UTRN: variants seen among roughly 807,000 people sequenced by gnomAD.
UTRN encodes utrophin, also known as dystrophin-related protein 1.
UTRN carries 283 observed loss-of-function variants against 463.9 expected under a neutral mutation model. The observed-to-expected ratio is 0.61, with a 90% confidence interval of 0.55 to 0.67. The LOEUF is 0.67. Ranked by LOEUF, UTRN falls within the 30% of genes least tolerant of loss-of-function variation. UTRN has a pLI of 0.00. For missense variants in UTRN, 3,922 were observed against 4,084.3 expected, an observed-to-expected ratio of 0.96 and a Z score of 1.08; for synonymous variants, 1,442 against 1,431.5, an observed-to-expected ratio of 1.01 and a Z score of -0.17.
intron 2 of UTRN, among the ~76,000 whole-genome samples, chr6:144,357,918 G>C (rs940778624): frequency 1.3e-5 from 2 of 152,238 alleles, no homozygotes; most frequent in African/African-American, 4.8e-5. Flanking sequence ...GGGAGAGGAA[G>C]GGTAGGAGCC....
At chr6:144,580,862 G>A (rs950453257) in intron 51 of UTRN, among the ~76,000 whole-genome samples, 4 of 152,172 alleles carry the variant, frequency 2.6e-5, no homozygotes, top group Non-Finnish European at 5.9e-5. Flanking sequence ...ACAGAAGAGA[G>A]GCCTGTTAGG....
intron 51 of UTRN, among the ~76,000 whole-genome samples, chr6:144,664,524 GA>G (rs35385321): frequency 7.1e-6 from 1 of 140,930 alleles, no homozygotes. Flanking sequence ...GGCTGACCTT[GA>G]ACTCCTGGGC....
Position 144,678,459 on chromosome 6 carries a change from A to C in UTRN, c.7533A>C (p.Gly2511=), listed in dbSNP as rs1562752820. 6.2e-7 allele frequency: 1 copy of C among 1,613,462 alleles called. No individual in the cohort carries two copies. The highest frequency in any genetic ancestry group is 1.3e-5 in the African/African-American group (1 of 75,012). ...AHNDIFKSID[G]NRQKMVKALG... ...ATGACATATTTAAAAGCATTGACGG[A>C]AACAGGCAGAAGATGGTAAAAGCTT... The change falls in exon 52 of 75, where the codon GGA becomes GGC. Residue 2511 remains glycine (G), a synonymous_variant. Transcript: ENST00000367545.
chr6:144,456,645 C>T (rs1427339532), intron 19 of UTRN, among the ~76,000 whole-genome samples: 1 of 137,436 alleles, frequency 7.3e-6, no homozygotes, highest in Non-Finnish European at 1.5e-5. Context: ...GAGCAAGACT[C>T]TGTCTCAAAA....
At chr6:144,690,091 T>TG (rs1447726041) in intron 52 of UTRN, among the ~76,000 whole-genome samples, 6 of 34,414 alleles carry the variant, frequency 1.7e-4, no homozygotes, top group Admixed American at 1.2e-3. Flanking sequence ...TTTTTTTTTT[T>TG]TTTTTGTGTG....
intron 52 of UTRN, 130 bp downstream of exon 52, chr6:144,678,708 T>C (rs1405040135): frequency 1.0e-5 from 9 of 891,726 alleles, no homozygotes; most frequent in African/African-American, 1.7e-5. Flanking sequence ...TTTAAGATTT[T>C]AATGCAAAGC....
chr6:144,681,121 G>C (rs9497042), intron 52 of UTRN, among the ~76,000 whole-genome samples: 3,752 of 152,228 alleles, frequency 0.025, 138 homozygotes, highest in African/African-American at 0.076. Context: ...AGGGAAGAGA[G>C]ATTGAGCAGA....
At chr6:144,817,152 G>A (rs1288452538) in intron 65 of UTRN, among the ~76,000 whole-genome samples, 1 of 152,048 alleles carries the variant, frequency 6.6e-6, no homozygotes, top group Non-Finnish European at 1.5e-5. Context: ...AGTTTACTTA[G>A]GCTTCAAAAA....
intron 65 of UTRN, among the ~76,000 whole-genome samples, chr6:144,811,069 T>TA (rs1778562000): frequency 6.6e-6 from 1 of 152,162 alleles, no homozygotes; most frequent in South Asian, 2.1e-4. Flanking sequence ...AATTTTCTAG[T>TA]AAAAAATATC....
Position 144,447,618 on chromosome 6 carries a change from T to C in UTRN, c.1739T>C (p.Met580Thr), listed in dbSNP as rs962645931. Residue 580 changes from methionine to threonine, a missense_variant, in exon 16 of 75, where the codon ATG (methionine) becomes ACG (threonine). Met to Thr is a moderately conservative substitution (Grantham distance 81). Around this residue, in one of 3 missense-constraint regions of UTRN, gnomAD observed 2,349 missense variants for 2,303.8 expected, o/e 1.02. Coordinates refer to ENST00000367545, the MANE Select transcript of UTRN (RefSeq NM_007124.3). The part of the protein sequence containing the change: ...VRRLAILKED[M>T]EMKRQTLDQL... ...AAATACTAGATTTTGAAGGAAGACA[T>C]GGAAATGAAGCGTCAAACATTGGAT... 2.5e-6 allele frequency: 4 copies of C among 1,612,642 alleles called. No individual in the cohort carries two copies. In the African/African-American group the frequency reaches 4.0e-5, roughly 16 times the overall value.
chr6:144,732,226 A>ATG (rs1380041833), intron 54 of UTRN, among the ~76,000 whole-genome samples: 21 of 43,646 alleles, frequency 4.8e-4, no homozygotes, highest in African/African-American at 2.0e-3. Flanking sequence ...ATATATATAT[A>ATG]TATATATATA....
rs555612820 is a variant in UTRN at position 144,353,027 on chromosome 6, C to T, written c.80-50096C>T. Among the ~76,000 whole-genome samples, 251 of 152,164 alleles carry T rather than the reference C, an allele frequency of 1.6e-3. 1 individual carries two copies. The highest frequency in any genetic ancestry group is 5.7e-3 in the African/African-American group (237 of 41,502). Reference sequence around the variant, plus strand: ...GCATGAGCTAGGTTCACTGTAGCCTCGATCTCCGGGGGTCAAGCAGTCCTC... The same window carrying T: ...GCATGAGCTAGGTTCACTGTAGCCTTGATCTCCGGGGGTCAAGCAGTCCTC... On this transcript the variant is annotated intron_variant, in intron 2 of 74. Coordinates refer to ENST00000367545, the MANE Select transcript of UTRN (RefSeq NM_007124.3).
chr6:144,382,456 AG>A (rs1781019235), intron 2 of UTRN, among the ~76,000 whole-genome samples: 1 of 152,168 alleles, frequency 6.6e-6, no homozygotes, highest in Non-Finnish European at 1.5e-5. Flanking sequence ...ACAATTCTCC[AG>A]GGGATTCTGA....
intron 56 of UTRN, among the ~76,000 whole-genome samples, chr6:144,752,510 G>A (rs1321735973): frequency 6.6e-6 from 1 of 152,024 alleles, no homozygotes; most frequent in African/African-American, 2.4e-5. Flanking sequence ...ACATTTGAGA[G>A]ATATATTTTA....
intron 14 of UTRN, among the ~76,000 whole-genome samples, chr6:144,444,756 A>G (rs1361849181): frequency 6.6e-6 from 1 of 152,210 alleles, no homozygotes; most frequent in Non-Finnish European, 1.5e-5. Context: ...TAATGAATCC[A>G]CTCAACACAC....
At chr6:144,618,503 A>C (rs1043292721) in intron 51 of UTRN, among the ~76,000 whole-genome samples, 2 of 152,124 alleles carry the variant, frequency 1.3e-5, no homozygotes, top group African/African-American at 2.4e-5. Flanking sequence ...TTAGGCATGC[A>C]CTAACTGTAC....
intron 65 of UTRN, among the ~76,000 whole-genome samples, chr6:144,813,038 A>G (rs1778758192): frequency 6.6e-6 from 1 of 152,178 alleles, no homozygotes; most frequent in Admixed American, 6.5e-5. Context: ...TCCAAAAATG[A>G]CAATTTCAAG....
At chr6:144,522,863 A>T (rs74328707) in intron 40 of UTRN, among the ~76,000 whole-genome samples, 153 bp from the exon 41 acceptor site, 3 of 108,420 alleles carry the variant, frequency 2.8e-5, no homozygotes, top group South Asian at 4.4e-4. Context: ...AGTATCATTT[A>T]AAAAAAAAAA....
intron 51 of UTRN, among the ~76,000 whole-genome samples, chr6:144,634,911 C>T (rs1440632564): frequency 6.6e-6 from 1 of 152,164 alleles, no homozygotes; most frequent in Non-Finnish European, 1.5e-5. Flanking sequence ...TGTTTGTCCA[C>T]TCATCAGTCG....
Sources: gnomAD v4.1 joint callset for allele counts (sites outside exome capture counted in the v4.1 genomes callset) on GRCh38, gnomAD v4.1.1 for gene constraint, gnomAD v4.1.1 regional missense constraint, MANE v1.5 for transcripts, NCBI Gene and HGNC (gene_info 2026-07-23, HGNC 2026-07-21) for gene names.